The following RBFOX1 variants were observed in gnomAD, a reference collection of about 807,000 sequenced individuals.
RBFOX1 encodes the protein RNA binding fox-1 homolog 1, also known as RNA binding protein fox-1 homolog 1.
Under a neutral mutation model 57.7 loss-of-function variants are expected in RBFOX1, and 8 were observed. The ratio of observed to expected loss-of-function variants is 0.14; its 90% confidence interval spans 0.08 to 0.25. The LOEUF (loss-of-function observed/expected upper bound fraction) is 0.25. Among genes scored for constraint, RBFOX1 ranks in the 10% least tolerant of loss-of-function variants. The pLI, the probability that RBFOX1 is intolerant of heterozygous loss-of-function variation, is 1.00. For missense variants in RBFOX1, 611 were observed against 548.5 expected, an observed-to-expected ratio of 1.11 and a Z score of -1.14; for synonymous variants, 326 against 222.4, an observed-to-expected ratio of 1.47 and a Z score of -4.15.
intron 5 of RBFOX1, among the ~76,000 whole-genome samples, chr16:7,529,674 A>T (rs1272325894): frequency 6.6e-6 from 1 of 152,164 alleles, no homozygotes; most frequent in Non-Finnish European, 1.5e-5. Flanking sequence ...GCCTCTGAAG[A>T]TACTGAATTT....
intron 3 of RBFOX1, among the ~76,000 whole-genome samples, chr16:5,847,967 A>T (rs2056799251): frequency 6.6e-6 from 1 of 152,166 alleles, no homozygotes; most frequent in Non-Finnish European, 1.5e-5. Context: ...CTCTAGTGCC[A>T]TGGCTCTGAC....
At chr16:6,691,451 C>G (rs920690591) in intron 3 of RBFOX1, among the ~76,000 whole-genome samples, 3 of 139,488 alleles carry the variant, frequency 2.2e-5, no homozygotes, top group African/African-American at 4.9e-5. Flanking sequence ...CCTTTACCAT[C>G]TATTCCTTTT....
chr16:6,780,324 T>TTATACATATATATATTTATAC (rs1567215980), intron 3 of RBFOX1, among the ~76,000 whole-genome samples: 1 of 79,752 alleles, frequency 1.3e-5, no homozygotes, highest in African/African-American at 6.0e-5. Flanking sequence ...TATTCATATT[T>TTATACATATATATATTTATAC]ATATATATTT....
intron 4 of RBFOX1, among the ~76,000 whole-genome samples, chr16:5,903,718 C>G (rs900447385): frequency 2.7e-4 from 41 of 152,294 alleles, no homozygotes; most frequent in East Asian, 1.9e-4. Context: ...CATTTCACCA[C>G]TTTGTCTCTC....
chr16:7,032,798 C>G (rs958013291), intron 3 of RBFOX1, among the ~76,000 whole-genome samples: 2 of 152,074 alleles, frequency 1.3e-5, no homozygotes, highest in African/African-American at 4.8e-5. Context: ...TTGGGTCTAC[C>G]TGAACTAAAA....
chr16:5,598,310 G>A (rs949915602), intron 2 of RBFOX1, among the ~76,000 whole-genome samples: 1 of 152,130 alleles, frequency 6.6e-6, no homozygotes, highest in East Asian at 1.9e-4. Context: ...GAAGGTGGAA[G>A]GTTAGGGACC....
intron 4 of RBFOX1, among the ~76,000 whole-genome samples, chr16:7,303,945 G>C (rs1007210501): frequency 6.6e-6 from 1 of 151,088 alleles, no homozygotes; most frequent in East Asian, 2.0e-4. Context: ...TCCCTCTGCC[G>C]GTTCTCGTGT....
chr16:5,330,664 C>G (rs370086771), intron 1 of RBFOX1, among the ~76,000 whole-genome samples: 2 of 151,750 alleles, frequency 1.3e-5, no homozygotes, highest in Non-Finnish European at 2.9e-5. Flanking sequence ...ATCTGCCTCC[C>G]AAAGTGCTGG....
chr16:5,812,163 T>G (rs7342717), intron 3 of RBFOX1, among the ~76,000 whole-genome samples: 2 of 152,058 alleles, frequency 1.3e-5, no homozygotes, highest in African/African-American at 4.8e-5. Flanking sequence ...GTATGGATAG[T>G]GACTACATTG....
At chr16:6,783,649 G>C (rs765898932) in intron 3 of RBFOX1, among the ~76,000 whole-genome samples, 1 of 151,876 alleles carries the variant, frequency 6.6e-6, no homozygotes, top group Non-Finnish European at 1.5e-5. Flanking sequence ...TTGTCTTTTA[G>C]TCTTCGTACT....
chr16:7,035,115 T>C (rs954751774), intron 3 of RBFOX1, among the ~76,000 whole-genome samples: 1 of 151,966 alleles, frequency 6.6e-6, no homozygotes, highest in African/African-American at 2.4e-5. Context: ...CCCAAAGTGC[T>C]GGGATTACAG....
chr16:6,091,845 AAAC>A (rs2096179933), intron 1 of RBFOX1, among the ~76,000 whole-genome samples: 1 of 152,142 alleles, frequency 6.6e-6, no homozygotes, highest in Non-Finnish European at 1.5e-5. Context: ...AAACAAAACA[AAAC>A]AAAACAAATT....
At chr16:7,664,253 A>G (rs2068585582) in intron 12 of RBFOX1, among the ~76,000 whole-genome samples, 1 of 152,236 alleles carries the variant, frequency 6.6e-6, no homozygotes. Flanking sequence ...ACAAATATGC[A>G]CACAATGCAC....
chr16:6,852,609 T>C (rs990817576), intron 3 of RBFOX1, among the ~76,000 whole-genome samples: 1 of 152,162 alleles, frequency 6.6e-6, no homozygotes, highest in Non-Finnish European at 1.5e-5. Flanking sequence ...CCAGATGAGA[T>C]GCATGCTGGG....
intron 1 of RBFOX1, among the ~76,000 whole-genome samples, chr16:6,070,568 G>T (rs1481815713): frequency 6.6e-6 from 1 of 152,104 alleles, no homozygotes; most frequent in Non-Finnish European, 1.5e-5. Flanking sequence ...AACACAGAAT[G>T]ATACAAAACA....
intron 2 of RBFOX1, among the ~76,000 whole-genome samples, chr16:5,544,951 CTTTTTTTTTTTTT>C (rs59873374): frequency 7.6e-4 from 94 of 124,362 alleles, no homozygotes; most frequent in African/African-American, 1.4e-3. Flanking sequence ...CTATTACATT[CTTTTTTTTTTTTT>C]TTTTTTTTTT....
intron 3 of RBFOX1, among the ~76,000 whole-genome samples, chr16:5,844,642 C>G (rs1156796552): frequency 6.6e-6 from 1 of 152,074 alleles, no homozygotes; most frequent in African/African-American, 2.4e-5. Context: ...AAATATTTGT[C>G]CTGAATGAAA....
intron 3 of RBFOX1, among the ~76,000 whole-genome samples, chr16:6,874,635 C>G (rs1050572413): frequency 1.3e-5 from 2 of 151,498 alleles, no homozygotes; most frequent in Non-Finnish European, 1.5e-5. Context: ...CATGGCTTAT[C>G]TCCCACTTAC....
chr16:5,560,202 C>T (rs1250231932), intron 2 of RBFOX1, among the ~76,000 whole-genome samples: 1 of 152,168 alleles, frequency 6.6e-6, no homozygotes, highest in Non-Finnish European at 1.5e-5. Flanking sequence ...TGCTTGCTAA[C>T]TCCTGGGCAT....
Sources: allele counts gnomAD v4.1 joint callset (sites outside exome capture counted in the v4.1 genomes callset), GRCh38; gene constraint gnomAD v4.1.1; transcripts MANE v1.5; gene names NCBI Gene and HGNC (gene_info 2026-07-23, HGNC 2026-07-21).